The following SLC12A8 variants were observed in gnomAD, a reference collection of about 807,000 sequenced individuals.
SLC12A8 encodes cation-chloride cotransporter 9.
Under a neutral mutation model 75.6 loss-of-function variants are expected in SLC12A8, and 69 were observed. That is an observed-to-expected ratio of 0.91 (90% confidence interval 0.75 to 1.11). The LOEUF (loss-of-function observed/expected upper bound fraction) is 1.11, where lower values mean the gene tolerates loss of function less well. Among genes scored for constraint, SLC12A8 ranks in the 50% most tolerant of loss-of-function variants. The pLI is 0.00. For missense variants in SLC12A8, 877 were observed against 896.7 expected (o/e 0.98, Z 0.28); for synonymous variants, 365 against 372.8 (o/e 0.98, Z 0.24).
rs114987541 is a variant in SLC12A8 at position 125,107,957 on chromosome 3, C to A, written c.1229G>T (p.Cys410Phe). 1 of 1,614,140 alleles carries A rather than the reference C, an allele frequency of 6.2e-7. No homozygotes were observed. Among genetic ancestry groups the A allele is most frequent in the East Asian group, 2.2e-5 (1 of 44,888 alleles). ...CGGCTCAGGCACCGGGGTCAGGCTG[C>A]AGGAACACATGGACAGGGAGAAGTA... ...YSYFSLSMCS[C>F]SLTPVPEPVL... The change falls in exon 10 of 14, where the codon TGC becomes TTC. Residue 410 changes from cysteine (C) to phenylalanine (F), a missense_variant. Physicochemically the swap from Cys to Phe is radical, Grantham distance 205. Transcript: ENST00000469902.
chr3:125,096,586 G>A (rs1016825530), intron 10 of SLC12A8, among the ~76,000 whole-genome samples: 8 of 152,080 alleles, frequency 5.3e-5, no homozygotes, highest in African/African-American at 1.9e-4. Context: ...CAAGTATTAT[G>A]CTTATCTTTT....
chr3:125,085,117 T>C (rs979046566), intron 13 of SLC12A8, among the ~76,000 whole-genome samples: 3 of 152,330 alleles, frequency 2.0e-5, no homozygotes, highest in Non-Finnish European at 2.9e-5. Context: ...ATAAATCATA[T>C]AGGTCTCTGA....
At chr3:125,153,712 C>T (rs1933986063) in intron 5 of SLC12A8, among the ~76,000 whole-genome samples, 1 of 152,078 alleles carries the variant, frequency 6.6e-6, no homozygotes, top group South Asian at 2.1e-4. Context: ...GACCTTGGCT[C>T]ACTGCAACCT....
chr3:125,158,520 C>T lies in SLC12A8; in HGVS notation c.622+19223G>A, dbSNP rs570451815. On this transcript the variant is annotated intron_variant, in intron 5 of 13. Transcript: ENST00000469902. ...ATAGGTGTGAGCCACAGTGCCTGGG[C>T]CCCCAGTGGGCTTTTCTAATTATAA... Among the ~76,000 whole-genome samples, 65 of 152,260 alleles carry T rather than the reference C, an allele frequency of 4.3e-4. 1 individual carries two copies. Among genetic ancestry groups the T allele is most frequent in the African/African-American group, 1.5e-3 (62 of 41,556 alleles).
intron 10 of SLC12A8, among the ~76,000 whole-genome samples, chr3:125,093,728 T>A (rs1452472488): frequency 6.6e-6 from 1 of 152,186 alleles, no homozygotes; most frequent in Non-Finnish European, 1.5e-5. Flanking sequence ...AGGGTCCACA[T>A]CCATCTTGAG....
intron 5 of SLC12A8, among the ~76,000 whole-genome samples, chr3:125,173,016 CA>C (rs1311559192): frequency 6.6e-6 from 1 of 151,914 alleles, no homozygotes; most frequent in Non-Finnish European, 1.5e-5. Flanking sequence ...CTGTCTCTAC[CA>C]AAAATACAAA....
At chr3:125,197,541 C>A (rs1206932170) in intron 2 of SLC12A8, among the ~76,000 whole-genome samples, 1 of 152,222 alleles carries the variant, frequency 6.6e-6, no homozygotes, top group African/African-American at 2.4e-5. Flanking sequence ...ATCCTCCTGT[C>A]TCAGCCCTGC....
intron 3 of SLC12A8, among the ~76,000 whole-genome samples, chr3:125,188,427 G>A (rs1466377094): frequency 2.0e-5 from 3 of 152,142 alleles, no homozygotes; most frequent in African/African-American, 4.8e-5. Context: ...GCAGGATCAT[G>A]TTTTCTTCCC....
At chr3:125,150,662 C>T (rs997325996) in intron 5 of SLC12A8, among the ~76,000 whole-genome samples, 13 of 152,180 alleles carry the variant, frequency 8.5e-5, no homozygotes, top group African/African-American at 2.7e-4. Context: ...GGCTGAGCTT[C>T]TGGTCCCACA....
chr3:125,200,030 A>G (rs1464278668), intron 2 of SLC12A8, among the ~76,000 whole-genome samples: 1 of 152,232 alleles, frequency 6.6e-6, no homozygotes, highest in Non-Finnish European at 1.5e-5. Flanking sequence ...CATGAAAACC[A>G]GAAGCCATTA....
intron 2 of SLC12A8, among the ~76,000 whole-genome samples, chr3:125,206,495 A>C (rs966717278): frequency 6.6e-6 from 1 of 151,964 alleles, no homozygotes; most frequent in African/African-American, 2.4e-5. Context: ...ATTTCTATCT[A>C]CCTCTCTTGC....
At chr3:125,202,858 C>T (rs547300111) in intron 2 of SLC12A8, among the ~76,000 whole-genome samples, 42 of 151,994 alleles carry the variant, frequency 2.8e-4, no homozygotes, top group African/African-American at 9.4e-4. Context: ...GAGGCCAAGG[C>T]GGGCGGATCA....
At chr3:125,120,032 G>A (rs947455944) in intron 7 of SLC12A8, 17 of 384,674 alleles carry the variant, frequency 4.4e-5, no homozygotes, top group African/African-American at 2.1e-5. Flanking sequence ...GGCTCACTGG[G>A]GGAAGAAGAA....
At position 125,157,221 on chromosome 3, in the gene SLC12A8, T is replaced by A. The variant is rs371097400; in HGVS notation, c.622+20522A>T. ...AGTTCTTAATAAAAATAAGTTAAAA[T>A]TATAATTTAGTAGGTACTATCTACT... On this transcript the variant is annotated intron_variant, in intron 5 of 13. Transcript: ENST00000469902. Among the ~76,000 whole-genome samples, 35 of 152,330 alleles carry A rather than the reference T, an allele frequency of 2.3e-4. No homozygotes were observed. In the East Asian group the frequency reaches 5.4e-3, roughly 23 times the overall value.
intron 6 of SLC12A8, among the ~76,000 whole-genome samples, chr3:125,126,175 C>T (rs1312358926): frequency 6.6e-6 from 1 of 152,180 alleles, no homozygotes; most frequent in Non-Finnish European, 1.5e-5. Flanking sequence ...CCTTCAGGCA[C>T]ATATTTATGG....
At chr3:125,138,066 T>C (rs1004730813) in intron 5 of SLC12A8, among the ~76,000 whole-genome samples, 1 of 152,224 alleles carries the variant, frequency 6.6e-6, no homozygotes, top group Non-Finnish European at 1.5e-5. Flanking sequence ...AAGAACGCTA[T>C]GGACAAAAAT....
At chr3:125,100,676 G>A (rs1486481276) in intron 10 of SLC12A8, among the ~76,000 whole-genome samples, 1 of 151,190 alleles carries the variant, frequency 6.6e-6, no homozygotes, top group Admixed American at 6.6e-5. Flanking sequence ...CCAAAGTGCT[G>A]GGATTACAGG....
chr3:125,103,640 A>C (rs1048753435), intron 10 of SLC12A8, among the ~76,000 whole-genome samples: 1 of 151,492 alleles, frequency 6.6e-6, no homozygotes, highest in Middle Eastern at 3.4e-3. Context: ...CATTGAAAAA[A>C]AATTTTTGTA....
intron 2 of SLC12A8, among the ~76,000 whole-genome samples, chr3:125,202,629 T>C (rs962947920): frequency 6.7e-5 from 8 of 118,930 alleles, no homozygotes; most frequent in African/African-American, 2.4e-4. Flanking sequence ...GTATTAACCA[T>C]GTTTTTTTTT....
Sources: allele counts gnomAD v4.1 joint callset (sites outside exome capture counted in the v4.1 genomes callset), GRCh38; gene constraint gnomAD v4.1.1; transcripts MANE v1.5; gene names NCBI Gene and HGNC (gene_info 2026-07-23, HGNC 2026-07-21).